The following PTAFR variants were observed in gnomAD, a reference collection of about 807,000 sequenced individuals.
PTAFR encodes platelet-activating factor receptor.
PTAFR carries 8 observed loss-of-function variants against 14.7 expected under a neutral mutation model. That is an observed-to-expected ratio of 0.54 (90% CI 0.32 to 0.98). The LOEUF (loss-of-function observed/expected upper bound fraction) is 0.98, where lower values mean the gene tolerates loss of function less well. PTAFR is among the 50% of genes least tolerant of loss of function. PTAFR has a pLI of 0.04. For synonymous variants in PTAFR, 156 were observed against 176.5 expected (o/e 0.88, Z 0.92); for missense variants, 337 against 451.2 (o/e 0.75, Z 2.29).
At chr1:28,151,430 G>C (rs956836344) in intron 1 of PTAFR, among the ~76,000 whole-genome samples, 1 of 151,952 alleles carries the variant, frequency 6.6e-6, no homozygotes, top group Middle Eastern at 3.2e-3. Flanking sequence ...TGCCCACCTC[G>C]GCCTCCCAAA....
Position 28,148,370 on chromosome 1 carries a change from C to T in PTAFR, c.*1623G>A, listed in dbSNP as rs1458964105. The T allele has an allele frequency of 6.6e-6, 1 of 152,276 alleles. No homozygotes were observed. The highest frequency in any genetic ancestry group is 1.5e-5 in the Non-Finnish European group (1 of 68,078). The allele number at this position is 152,276 out of a possible 1,614,324, so 9.4% of individuals were successfully genotyped here. ...AGAGGGCAAGGGAGGAGAGAACTGA[C>T]AGACCCTTCTACCCAGGGGCCTCAT... On this transcript the variant is annotated 3_prime_UTR_variant, in exon 2 of 2. Coordinates refer to ENST00000373857, the MANE Select transcript of PTAFR (RefSeq NM_000952.5).
intron 1 of PTAFR, among the ~76,000 whole-genome samples, chr1:28,175,921 C>T (rs1241681277): frequency 6.6e-6 from 1 of 152,064 alleles, no homozygotes; most frequent in African/African-American, 2.4e-5. Flanking sequence ...TCCCTGAGAT[C>T]CAAGCTGCCC....
intron 1 of PTAFR, among the ~76,000 whole-genome samples, chr1:28,182,181 C>T (rs1483278108): frequency 6.6e-6 from 1 of 151,642 alleles, no homozygotes; most frequent in Non-Finnish European, 1.5e-5. Flanking sequence ...ACTAAGAATA[C>T]TAAAATTAGC....
intron 1 of PTAFR, among the ~76,000 whole-genome samples, chr1:28,165,085 C>A (rs1646367525): frequency 1.3e-5 from 2 of 151,592 alleles, no homozygotes; most frequent in South Asian, 2.1e-4. Context: ...CAACAGTATT[C>A]AAAAAAAATA....
chr1:28,176,465 A>AT (rs1646515903), intron 1 of PTAFR, 127 bp downstream of exon 1: 1 of 151,866 alleles, frequency 6.6e-6, no homozygotes, highest in Non-Finnish European at 1.5e-5. Context: ...AAAAAAAAAA[A>AT]GAAAAGAAAA....
chr1:28,165,763 A>C (rs1646378791), intron 1 of PTAFR, among the ~76,000 whole-genome samples: 1 of 152,124 alleles, frequency 6.6e-6, no homozygotes, highest in Non-Finnish European at 1.5e-5. Flanking sequence ...AGCCTGGGTG[A>C]CAGAGCGAGA....
chr1:28,190,130 G>A (rs989012850), intron 1 of PTAFR, among the ~76,000 whole-genome samples: 4 of 151,806 alleles, frequency 2.6e-5, no homozygotes, highest in South Asian at 2.1e-4. Flanking sequence ...GTGCCACCAC[G>A]CCCGGCTAAT....
intron 1 of PTAFR, among the ~76,000 whole-genome samples, chr1:28,192,698 G>A (rs1646663844): frequency 6.6e-6 from 1 of 151,706 alleles, no homozygotes; most frequent in African/African-American, 2.4e-5. Flanking sequence ...CCAGGCTGGA[G>A]TGCAGTGGTG....
intron 1 of PTAFR, among the ~76,000 whole-genome samples, chr1:28,162,902 T>C (rs1360251733): frequency 6.9e-6 from 1 of 145,746 alleles, no homozygotes; most frequent in Admixed American, 6.8e-5. Context: ...CGCACCGAAA[T>C]CTGAGACATG....
intron 1 of PTAFR, among the ~76,000 whole-genome samples, chr1:28,153,581 C>CAAAAA (rs36049566): frequency 1.3e-4 from 8 of 62,680 alleles, no homozygotes; most frequent in Admixed American, 1.8e-4. Context: ...CCTGTCTCTA[C>CAAAAA]AAAAAAAAAA....
At chr1:28,176,898 G>A (rs1393583854), upstream of PTAFR, 1 of 152,956 alleles carries the variant, frequency 6.5e-6, no homozygotes, top group Non-Finnish European at 1.5e-5. Flanking sequence ...AAGCAAGAGA[G>A]AGAAAGCAAG....
chr1:28,147,677 C>T lies in PTAFR; in HGVS notation c.*2316G>A, dbSNP rs1646132133. 6.6e-6 allele frequency: 1 copy of T among 152,198 alleles called. No homozygotes were observed. Among genetic ancestry groups the T allele is most frequent in the African/African-American group, 2.4e-5 (1 of 41,426 alleles). 9.4% of individuals were successfully genotyped at this position (152,198 alleles called of 1,614,324 possible). On this transcript the variant is annotated 3_prime_UTR_variant, in exon 2 of 2. Transcript: ENST00000373857. ...TGAACAGCCTCCCTAAATCTAGATG[C>T]CCACCTCTCATCCTTTCAGCTCCCA...
intron 1 of PTAFR, among the ~76,000 whole-genome samples, chr1:28,167,698 T>C (rs1202703942): frequency 1.0e-4 from 13 of 130,562 alleles, no homozygotes; most frequent in Non-Finnish European, 2.0e-4. Flanking sequence ...CAGGCTGGAG[T>C]GCAGTGGCAC....
Position 28,149,152 on chromosome 1 carries a change from G to A in PTAFR, c.*841C>T, listed in dbSNP as rs1432775384. 6.6e-6 allele frequency: 1 copy of A among 152,170 alleles called. No homozygotes were observed. The highest frequency in any genetic ancestry group is 1.5e-5 in the Non-Finnish European group (1 of 68,082). The allele number at this position is 152,170 out of a possible 1,614,324, so 9.4% of individuals were successfully genotyped here. On this transcript the variant is annotated 3_prime_UTR_variant, in exon 2 of 2. Transcript: ENST00000373857. ...CAGGTTGCCAGATGAGTCAGAGAAGGTTCCATCAAGCCCCTTCCCCTGAGA... is the reference window on the plus strand; with the variant it reads ...CAGGTTGCCAGATGAGTCAGAGAAGATTCCATCAAGCCCCTTCCCCTGAGA...
chr1:28,170,404 G>A (rs1646439681), intron 1 of PTAFR, among the ~76,000 whole-genome samples: 1 of 152,070 alleles, frequency 6.6e-6, no homozygotes, highest in South Asian at 2.1e-4. Context: ...CTATAAAATG[G>A]GAATAGCATC....
chr1:28,174,271 C>T (rs749242839), intron 1 of PTAFR, among the ~76,000 whole-genome samples: 2 of 152,122 alleles, frequency 1.3e-5, no homozygotes, highest in Admixed American at 6.6e-5. Context: ...CCACTGTTGC[C>T]CTCTCTGAGG....
rs777441545 is a variant in PTAFR at position 28,173,085 on chromosome 1, A to G, written c.-39+3507T>C. ...GAAGTTCAAGACCAGCCTGGGAAAC[A>G]TAGCAAGATCCCGTTTCCACAAAAA... On this transcript the variant is annotated intron_variant, in intron 1 of 1. Transcript: ENST00000373857. 5.5e-5 allele frequency among the ~76,000 whole-genome samples: 8 copies of G among 145,584 alleles called. 1 individual carries two copies. Among genetic ancestry groups the G allele is most frequent in the Non-Finnish European group, 1.2e-4 (8 of 66,702 alleles).
At chr1:28,176,855 C>T (rs888189073), upstream of PTAFR, 7 of 153,008 alleles carry the variant, frequency 4.6e-5, no homozygotes, top group African/African-American at 1.7e-4. Flanking sequence ...GTAGACAGCG[C>T]CCGAGGCCAG....
intron 1 of PTAFR, 27 bp downstream of exon 1, chr1:28,176,565 C>G (rs900690094): frequency 1.3e-5 from 2 of 152,794 alleles, no homozygotes; most frequent in African/African-American, 4.8e-5. Context: ...TCCCCCTTGC[C>G]CAGCAGGGGC....
Sources: allele counts gnomAD v4.1 joint callset (sites outside exome capture counted in the v4.1 genomes callset), GRCh38; gene constraint gnomAD v4.1.1; transcripts MANE v1.5; gene names NCBI Gene and HGNC (gene_info 2026-07-23, HGNC 2026-07-21).